Variants in RC3H1 observed in about 807,000 individuals in gnomAD.
RC3H1 encodes the protein ring finger and CCCH-type domains 1, also known as roquin-1.
A neutral mutation model predicts 138.2 loss-of-function variants in RC3H1; 50 were observed. That is an observed-to-expected ratio of 0.36 (90% CI 0.29 to 0.46). RC3H1 has a LOEUF of 0.46. Ranked by LOEUF, RC3H1 falls within the 20% of genes least tolerant of loss-of-function variation. RC3H1 has a pLI of 1.00. For missense variants in RC3H1, 1,031 were observed against 1,388.1 expected (o/e 0.74, Z 4.09); for synonymous variants, 462 against 489.1 (o/e 0.94, Z 0.73).
Position 173,938,598 on chromosome 1 carries a change from G to T in RC3H1, c.*123C>A. The T allele has an allele frequency of 1.6e-6, 1 of 629,292 alleles. No individual in the cohort carries two copies. Among genetic ancestry groups the T allele is most frequent in the Non-Finnish European group, 2.6e-6 (1 of 381,950 alleles). 39.0% of individuals were successfully genotyped at this position (629,292 alleles called of 1,614,324 possible). A position where few individuals can be genotyped will look rare whatever the true frequency, so the allele number is the denominator to read the frequency against. ...AGTGGTGTTTGTGCACATTGCCTCT[G>T]GTGAATTTCCTGGATTTCTCTGACC... On this transcript the variant is annotated 3_prime_UTR_variant, in exon 20 of 20. Transcript: ENST00000367696.
intron 13 of RC3H1, 38 bp from the exon 14 acceptor site, chr1:173,952,176 AAG>A (rs112283330): frequency 1.0e-5 from 15 of 1,459,420 alleles, no homozygotes; most frequent in Non-Finnish European, 1.4e-5. Flanking sequence ...AAAAAAAAAA[AAG>A]AGAAAGAAAC....
intron 1 of RC3H1, among the ~76,000 whole-genome samples, chr1:174,008,223 A>AATATAG (rs1661686994): frequency 6.6e-6 from 1 of 152,220 alleles, no homozygotes; most frequent in Non-Finnish European, 1.5e-5. Flanking sequence ...AGTATATTTA[A>AATATAG]TAATAGCAAT....
rs866770344 is a variant in RC3H1, at chr1:174,019,048, A to G, written c.-151+3048T>C. On this transcript the variant is annotated intron_variant, in intron 1 of 19. Transcript: ENST00000367696. ...TTAACATCATTGAATATCTTTAATT[A>G]TTTAAAAAAATTTATAAAGTATTTC... 2.5e-4 allele frequency among the ~76,000 whole-genome samples: 38 copies of G among 152,350 alleles called. No individual in the cohort carries two copies. In the Middle Eastern group the frequency reaches 0.01, roughly 41 times the overall value.
chr1:173,964,965 A>T lies in RC3H1; in HGVS notation c.1490T>A (p.Ile497Asn). 1 of 1,614,130 alleles carries T rather than the reference A, an allele frequency of 6.2e-7. No individual in the cohort carries two copies. ...TGTTACTGTATTCCCTGTTGATACAATTCCATTTGGCAGAGCAGGAGGTTT... is the reference window on the plus strand; with the variant it reads ...TGTTACTGTATTCCCTGTTGATACATTTCCATTTGGCAGAGCAGGAGGTTT... ...SRKPPALPNG[I>N]VSTGNTVTQL... Residue 497 changes from isoleucine to asparagine, a missense_variant, in exon 10 of 20, where the codon ATT becomes AAT. This residue lies in a region of RC3H1 where 716 missense variants were observed against 837.9 expected (regional missense o/e 0.85). Coordinates refer to ENST00000367696, the MANE Select transcript of RC3H1 (RefSeq NM_172071.4).
intron 1 of RC3H1, among the ~76,000 whole-genome samples, chr1:174,006,289 A>T (rs1571240984): frequency 6.6e-6 from 1 of 152,176 alleles, no homozygotes; most frequent in African/African-American, 2.4e-5. Flanking sequence ...AGCAAGTTAT[A>T]CTTTTTTACC....
At position 173,983,618 on chromosome 1, in the gene RC3H1, C is replaced by T. The variant is rs998395260; in HGVS notation, c.392G>A (p.Arg131His). 6.2e-6 allele frequency: 10 copies of T among 1,613,960 alleles called. No individual in the cohort carries two copies. The highest frequency in any genetic ancestry group is 2.2e-5 in the East Asian group (1 of 44,898). ...AGTCACAAGCTTCCTCTGCATTGGGCGACTCAGAACACTCTGAGTAGTGCT... is the reference window on the plus strand; with the variant it reads ...AGTCACAAGCTTCCTCTGCATTGGGTGACTCAGAACACTCTGAGTAGTGCT... ...LNSTTQSVLS[R>H]PMQRKLVTLV... Residue 131 changes from arginine (R) to histidine (H), a missense_variant, in exon 4 of 20, where the codon CGC becomes CAC. Transcript: ENST00000367696.
intron 18 of RC3H1, 104 bp from the exon 19 acceptor site, chr1:173,941,484 C>A: frequency 1.4e-6 from 1 of 695,594 alleles, no homozygotes; most frequent in Non-Finnish European, 2.5e-6. Context: ...AAATCATATT[C>A]AATTTTGTAA....
At chr1:173,956,392 G>GTA (rs1290617192) in intron 13 of RC3H1, among the ~76,000 whole-genome samples, 1 of 152,022 alleles carries the variant, frequency 6.6e-6, no homozygotes, top group Non-Finnish European at 1.5e-5. Flanking sequence ...ATTGCATATT[G>GTA]TATATATGTA....
At chr1:174,004,903 C>CT (rs922181133) in intron 1 of RC3H1, among the ~76,000 whole-genome samples, 2 of 147,036 alleles carry the variant, frequency 1.4e-5, no homozygotes, top group Non-Finnish European at 3.0e-5. Context: ...AGCCCAAAAG[C>CT]TTTTTTTTAG....
chr1:173,972,966 A>G (rs561302481), intron 7 of RC3H1, among the ~76,000 whole-genome samples: 6 of 152,344 alleles, frequency 3.9e-5, no homozygotes, highest in African/African-American at 1.4e-4. Flanking sequence ...CCCTCATCTA[A>G]GAGTATGGTT....
chr1:173,965,154 A>G (rs1319129112), intron 9 of RC3H1, 34 bp from the exon 10 acceptor site: 1 of 1,562,528 alleles, frequency 6.4e-7, no homozygotes, highest in South Asian at 1.2e-5. Context: ...ATCAAAAAGC[A>G]AATATAAAAG....
intron 1 of RC3H1, among the ~76,000 whole-genome samples, chr1:173,996,666 G>A (rs778432827): frequency 6.6e-6 from 1 of 152,126 alleles, no homozygotes; most frequent in Non-Finnish European, 1.5e-5. Flanking sequence ...ACCATAGCAT[G>A]TGACCTACGT....
intron 1 of RC3H1, among the ~76,000 whole-genome samples, chr1:174,011,544 A>T (rs1471853967): frequency 6.6e-6 from 1 of 152,070 alleles, no homozygotes; most frequent in Admixed American, 6.5e-5. Context: ...CTACTTTTTA[A>T]GAGTCTCCAC....
chr1:173,997,175 T>C (rs1031428162), intron 1 of RC3H1, among the ~76,000 whole-genome samples: 1 of 152,112 alleles, frequency 6.6e-6, no homozygotes, highest in Admixed American at 6.5e-5. Flanking sequence ...TAGTGAGTCA[T>C]GTTTGCTCCA....
intron 13 of RC3H1, among the ~76,000 whole-genome samples, chr1:173,952,906 C>G (rs1659476204): frequency 6.6e-6 from 1 of 152,154 alleles, no homozygotes; most frequent in African/African-American, 2.4e-5. Flanking sequence ...CAAGGCTATA[C>G]CAGTATAGGG....
rs1434462150 is a variant in RC3H1 at position 173,972,569 on chromosome 1, C to T, written c.1161G>A (p.Val387=). The change falls in exon 8 of 20, where the codon GTG becomes GTA. Residue 387 remains valine (V), a synonymous_variant. Transcript: ENST00000367696. ...GGATATAATCAACCAGCCCATGTAC[C>T]ACTGTACGCACAGCAACCAGCCCAT... ...LENGLVAVRT[V]VHGLVDYIQN... 2 of 1,614,042 alleles carry T rather than the reference C, an allele frequency of 1.2e-6. No individual in the cohort carries two copies. The highest frequency in any genetic ancestry group is 2.2e-5 in the East Asian group (1 of 44,884).
chr1:173,992,664 C>G, intron 2 of RC3H1, 91 bp downstream of exon 2: 1 of 967,420 alleles, frequency 1.0e-6, no homozygotes, highest in Non-Finnish European at 1.5e-6. Flanking sequence ...GAGAAAAACA[C>G]GCACAACACA....
chr1:174,017,334 A>T (rs12060401), intron 1 of RC3H1, among the ~76,000 whole-genome samples: 44,003 of 152,154 alleles, frequency 0.29, 11,385 homozygotes, highest in African/African-American at 0.7. Flanking sequence ...TGGGGTGATC[A>T]AAACAAAACT....
chr1:173,994,942 C>T (rs1661428956), intron 1 of RC3H1, among the ~76,000 whole-genome samples: 1 of 152,036 alleles, frequency 6.6e-6, no homozygotes, highest in African/African-American at 2.4e-5. Flanking sequence ...TCTAAGTCCA[C>T]ATGGAGCTTG....
Sources: allele counts gnomAD v4.1 joint callset (sites outside exome capture counted in the v4.1 genomes callset), GRCh38; gene constraint gnomAD v4.1.1; regional missense constraint gnomAD v4.1.1; transcripts MANE v1.5; gene names NCBI Gene and HGNC (gene_info 2026-07-23, HGNC 2026-07-21).